Variants in VDAC1 observed in about 807,000 individuals in gnomAD.
VDAC1 encodes the protein voltage dependent anion channel 1.
In VDAC1, 10 loss-of-function variants were observed where a neutral mutation model predicts 34.7. That is an observed-to-expected ratio of 0.29 (90% confidence interval 0.18 to 0.49). The LOEUF is 0.49. VDAC1 is among the 20% of genes least tolerant of loss of function. The pLI, the probability that VDAC1 is intolerant of heterozygous loss-of-function variation, is 0.99. For synonymous variants in VDAC1, 130 were observed against 136.0 expected (o/e 0.96, Z 0.30); for missense variants, 230 against 347.9 (o/e 0.66, Z 2.69).
At chr5:134,045,600 C>T in the VDAC1 span, among the ~76,000 whole-genome samples, 3 of 152,268 alleles carry the variant, frequency 2.0e-5, no homozygotes, top group African/African-American at 7.2e-5. Flanking sequence ...GACTCTTCTG[C>T]CTCCCTCTTT....
At chr5:134,101,953 T>TA in the VDAC1 span, among the ~76,000 whole-genome samples, 1 of 152,192 alleles carries the variant, frequency 6.6e-6, no homozygotes, top group Admixed American at 6.5e-5. Context: ...TGCTGGCCAG[T>TA]AGGCCAGCTT....
At chr5:134,072,613 A>G in the VDAC1 span, among the ~76,000 whole-genome samples, 1 of 152,212 alleles carries the variant, frequency 6.6e-6, no homozygotes, top group Non-Finnish European at 1.5e-5. Context: ...ACAAATGCCC[A>G]TTGGGTCTGA....
chr5:134,058,959 G>A, the VDAC1 span, among the ~76,000 whole-genome samples: 3 of 152,284 alleles, frequency 2.0e-5, no homozygotes, highest in East Asian at 1.9e-4. Flanking sequence ...TACAATAACC[G>A]CCTCCTCATG....
chr5:134,113,110 G>C, the VDAC1 span, among the ~76,000 whole-genome samples: 1 of 152,328 alleles, frequency 6.6e-6, no homozygotes, highest in East Asian at 1.9e-4. Flanking sequence ...CCTCCGGGCA[G>C]GGCCGAGCCC....
chr5:133,977,799 G>A (rs1752535728), intron 6 of VDAC1, among the ~76,000 whole-genome samples: 1 of 152,166 alleles, frequency 6.6e-6, no homozygotes, highest in Non-Finnish European at 1.5e-5. Context: ...GCAGGCTGAG[G>A]CAGGCTGGAA....
chr5:133,992,397 A>G, intron 2 of VDAC1, 42 bp from the exon 3 acceptor site: 1 of 1,482,080 alleles, frequency 6.7e-7, no homozygotes, highest in Middle Eastern at 1.8e-4. Flanking sequence ...TTAAATAACT[A>G]GAGAACAGCA....
the VDAC1 span, among the ~76,000 whole-genome samples, chr5:134,062,275 T>G: frequency 0.78 from 118,988 of 151,742 alleles, 47,929 homozygotes; most frequent in African/African-American, 0.92. Flanking sequence ...TTGAGCCACT[T>G]TGCCTGGCTG....
the VDAC1 span, among the ~76,000 whole-genome samples, chr5:134,060,880 C>CTTTTTTTTTTTTTTTTTTTT: frequency 2.5e-4 from 25 of 98,682 alleles, 3 homozygotes; most frequent in African/African-American, 4.8e-4. Context: ...TCTTCTTCTT[C>CTTTTTTTTTTTTTTTTTTTT]TTTTTTTTTT....
At chr5:134,033,667 C>T in the VDAC1 span, among the ~76,000 whole-genome samples, 1 of 140,826 alleles carries the variant, frequency 7.1e-6, no homozygotes, top group Non-Finnish European at 1.5e-5. Context: ...TGGGTGAGCC[C>T]AAAATGGAAA....
chr5:134,072,218 A>G, the VDAC1 span, among the ~76,000 whole-genome samples: 1 of 152,258 alleles, frequency 6.6e-6, no homozygotes, highest in South Asian at 2.1e-4. Flanking sequence ...TGGGCTTACA[A>G]CCATGAACAA....
intron 5 of VDAC1, 91 bp from the exon 6 acceptor site, chr5:133,981,047 A>T: frequency 2.6e-6 from 3 of 1,145,168 alleles, no homozygotes; most frequent in Non-Finnish European, 2.5e-6. Flanking sequence ...AGGTCAAATA[A>T]AGGGAGTGGG....
At chr5:134,105,260 C>T in the VDAC1 span, among the ~76,000 whole-genome samples, 1 of 152,184 alleles carries the variant, frequency 6.6e-6, no homozygotes, top group African/African-American at 2.4e-5. Flanking sequence ...CCAGGGGAGG[C>T]CTCCAATAAC....
At chr5:134,014,027 C>T in the VDAC1 span, among the ~76,000 whole-genome samples, 1 of 152,030 alleles carries the variant, frequency 6.6e-6, no homozygotes, top group Non-Finnish European at 1.5e-5. Flanking sequence ...TGGTGGCTCA[C>T]GCCTGTAATC....
chr5:134,056,220 G>A, the VDAC1 span, among the ~76,000 whole-genome samples: 3 of 128,414 alleles, frequency 2.3e-5, no homozygotes, highest in Admixed American at 9.4e-5. Flanking sequence ...CAGCCTAGGC[G>A]ACAACAGTGA....
the VDAC1 span, among the ~76,000 whole-genome samples, chr5:134,032,361 T>C: frequency 6.6e-6 from 1 of 152,120 alleles, no homozygotes; most frequent in African/African-American, 2.4e-5. Flanking sequence ...CCAATAAATG[T>C]ATGGTAATTT....
At chr5:134,080,316 G>A in the VDAC1 span, among the ~76,000 whole-genome samples, 1 of 152,210 alleles carries the variant, frequency 6.6e-6, no homozygotes, top group Admixed American at 6.5e-5. Context: ...TGCCCGGCCT[G>A]GGGTCGAGCC....
At chr5:133,998,176 A>T (rs1753406110) in intron 1 of VDAC1, among the ~76,000 whole-genome samples, 1 of 152,318 alleles carries the variant, frequency 6.6e-6, no homozygotes, top group South Asian at 2.1e-4. Flanking sequence ...CTTTTTACAC[A>T]TCTTTCTATG....
chr5:133,989,942 G>A (rs1258669039), intron 5 of VDAC1, among the ~76,000 whole-genome samples: 2 of 152,236 alleles, frequency 1.3e-5, no homozygotes, highest in Admixed American at 6.5e-5. Flanking sequence ...GATTACAGGC[G>A]TGAGCCACCA....
At chr5:134,094,547 A>C in the VDAC1 span, among the ~76,000 whole-genome samples, 1 of 152,150 alleles carries the variant, frequency 6.6e-6, no homozygotes, top group Non-Finnish European at 1.5e-5. Flanking sequence ...AATACAAAAA[A>C]TTAGCCGAGC....
Sources: allele counts gnomAD v4.1 joint callset (sites outside exome capture counted in the v4.1 genomes callset), GRCh38; gene constraint gnomAD v4.1.1; transcripts MANE v1.5; gene names NCBI Gene and HGNC (gene_info 2026-07-23, HGNC 2026-07-21).